Variants in C1QTNF2 observed in about 807,000 individuals in gnomAD.
C1QTNF2 encodes the protein C1q and TNF related 2.
Under a neutral mutation model 17.4 loss-of-function variants are expected in C1QTNF2, and 15 were observed. The observed-to-expected ratio is 0.86, with a 90% CI of 0.58 to 1.33. The LOEUF is 1.33. C1QTNF2 is among the 40% of genes most tolerant of loss of function. C1QTNF2 has a pLI of 0.00. For synonymous variants in C1QTNF2, 154 were observed against 163.3 expected, an observed-to-expected ratio of 0.94 and a Z score of 0.44; for missense variants, 381 against 392.3, an observed-to-expected ratio of 0.97 and a Z score of 0.24.
At chr5:160,359,023 G>T (rs563670446) in intron 1 of C1QTNF2, among the ~76,000 whole-genome samples, 1 of 152,040 alleles carries the variant, frequency 6.6e-6, no homozygotes, top group Non-Finnish European at 1.5e-5. Context: ...CGATCTACCC[G>T]TTTCAGCCTC....
At chr5:160,354,593 A>ATATATATATAT (rs1763992409) in intron 2 of C1QTNF2, among the ~76,000 whole-genome samples, 175 bp downstream of exon 2, 5 of 30,554 alleles carry the variant, frequency 1.6e-4, no homozygotes, top group East Asian at 5.2e-4. Flanking sequence ...GGAAAAAAAA[A>ATATATATATAT]AAAAGTATAT....
Position 160,349,279 on chromosome 5 carries a change from C to T in C1QTNF2, c.747G>A (p.Leu249=), listed in dbSNP as rs1428820466. 6.2e-7 allele frequency: 1 copy of T among 1,614,130 alleles called. No homozygotes were observed. The highest frequency in any genetic ancestry group is 1.1e-5 in the South Asian group (1 of 91,082). The change falls in exon 3 of 3, where the codon CTG becomes CTA. Residue 249 remains leucine, a synonymous_variant. Transcript: ENST00000652664. The surrounding 1 kb of genome is among the most constrained non-coding windows in gnomAD (Gnocchi z 4.3). ...CGTTCTGCTCTGAGTAGAAGATCTG[C>T]AGCCAAACTTCGTCACCCTGCTTGA... The part of the protein sequence containing the change: ...LALKQGDEVW[L]QIFYSEQNGL...
At chr5:160,360,165 G>A (rs1764127496) in intron 1 of C1QTNF2, among the ~76,000 whole-genome samples, 1 of 152,088 alleles carries the variant, frequency 6.6e-6, no homozygotes, top group African/African-American at 2.4e-5. Flanking sequence ...TTCTTTTCCA[G>A]CACTTGAAAC....
chr5:160,368,510 C>T (rs1225128317), intron 1 of C1QTNF2, among the ~76,000 whole-genome samples: 12 of 130,982 alleles, frequency 9.2e-5, no homozygotes, highest in Middle Eastern at 4.5e-3. Context: ...CCAGCCTGGG[C>T]AACAGAGCGA....
At position 160,349,336 on chromosome 5, in the gene C1QTNF2, G is replaced by A. The variant is rs141043359; in HGVS notation, c.690C>T (p.His230=). 7.9e-5 allele frequency: 127 copies of A among 1,614,030 alleles called. No individual in the cohort carries two copies. The African/African-American group carries it at 1.2e-3, about 16-fold the overall frequency. Residue 230 remains histidine, a synonymous_variant, in exon 3 of 3, where the codon CAC becomes CAT. Coordinates refer to ENST00000652664, the MANE Select transcript of C1QTNF2 (RefSeq NM_031908.6). The surrounding 1 kb of genome is among the most constrained non-coding windows in gnomAD (Gnocchi z 4.3). ...IRTFDANTGN[H]DVASGSTILA... ...GGATGGTGGAGCCTGAGGCCACATC[G>A]TGGTTGCCGGTGTTGGCATCAAAGG...
chr5:160,360,490 C>T (rs887130153), intron 1 of C1QTNF2, among the ~76,000 whole-genome samples: 2 of 152,170 alleles, frequency 1.3e-5, no homozygotes, highest in Admixed American at 6.5e-5. Flanking sequence ...TTGCTTTTGA[C>T]CCCTTACAGT....
rs765898216 is a variant in C1QTNF2, at chr5:160,370,511, C to A, written c.-10+1G>T. 2 of 1,479,510 alleles carry A rather than the reference C, an allele frequency of 1.4e-6. No individual in the cohort carries two copies. Among genetic ancestry groups the A allele is most frequent in the East Asian group, 2.8e-5 (1 of 35,796 alleles). 91.6% of individuals were successfully genotyped at this position (1,479,510 alleles called of 1,614,324 possible). ...GCCCGACCGCGGTGCGGGACACTCA[C>A]CCTCGCGGCTGCCCGCCACGTCCAG... On this transcript the variant is annotated splice_donor_variant, in intron 1 of 2. Coordinates refer to ENST00000652664, the MANE Select transcript of C1QTNF2 (RefSeq NM_031908.6). LOFTEE classifies it low-confidence loss of function (5UTR_SPLICE).
chr5:160,363,558 A>T (rs1764193010), intron 1 of C1QTNF2, among the ~76,000 whole-genome samples: 2 of 152,254 alleles, frequency 1.3e-5, no homozygotes, highest in African/African-American at 4.8e-5. Context: ...AGAATTCCTG[A>T]AAGCACACAG....
At position 160,358,560 on chromosome 5, in the gene C1QTNF2, C is replaced by T. The variant is rs549055318; in HGVS notation, c.-9-3540G>A. Reference sequence around the variant, plus strand: ...CTTACTACAGCCTTGAACTCTTGGGCTCAAGTGATCCTCCTGCCTCAGCCT... The same window carrying T: ...CTTACTACAGCCTTGAACTCTTGGGTTCAAGTGATCCTCCTGCCTCAGCCT... On this transcript the variant is annotated intron_variant, in intron 1 of 2. Coordinates refer to ENST00000652664, the MANE Select transcript of C1QTNF2 (RefSeq NM_031908.6). Among the ~76,000 whole-genome samples the T allele has an allele frequency of 8.6e-5, 13 of 151,924 alleles. No individual in the cohort carries two copies. In the South Asian group the frequency reaches 2.5e-3, roughly 29 times the overall value.
chr5:160,356,612 T>C (rs1030866268), intron 1 of C1QTNF2, among the ~76,000 whole-genome samples: 5 of 152,228 alleles, frequency 3.3e-5, no homozygotes, highest in African/African-American at 7.2e-5. Flanking sequence ...TCTTTCCAGA[T>C]ACAAAGCACT....
At chr5:160,354,354 G>C (rs185007819) in intron 2 of C1QTNF2, among the ~76,000 whole-genome samples, 113 of 151,940 alleles carry the variant, frequency 7.4e-4, no homozygotes, top group African/African-American at 2.6e-3. Flanking sequence ...GAGGTAGATG[G>C]ATCACTTGAG....
Position 160,348,432 on chromosome 5 carries a change from T to G in C1QTNF2, c.*736A>C, listed in dbSNP as rs1203779349. 2 of 152,314 alleles carry G rather than the reference T, an allele frequency of 1.3e-5. No homozygotes were observed. The highest frequency in any genetic ancestry group is 2.9e-5 in the Non-Finnish European group (2 of 68,096). The allele number at this position is 152,314 out of a possible 1,614,324, so 9.4% of individuals were successfully genotyped here. ...ATGCCTCCCTTCTCAGTTCTTACCT[T>G]GGCCCCTCCCTCTTTCCTGTCAAGG... is the stretch of plus-strand genomic sequence containing the variant. On this transcript the variant is annotated 3_prime_UTR_variant, in exon 3 of 3. Coordinates refer to ENST00000652664, the MANE Select transcript of C1QTNF2 (RefSeq NM_031908.6).
intron 1 of C1QTNF2, among the ~76,000 whole-genome samples, chr5:160,362,478 A>T (rs1241148165): frequency 1.3e-5 from 2 of 152,228 alleles, no homozygotes; most frequent in Non-Finnish European, 2.9e-5. Context: ...GAATGCCCAC[A>T]GCCCCCTCTC....
chr5:160,358,168 G>C (rs954400127), intron 1 of C1QTNF2, among the ~76,000 whole-genome samples: 1 of 152,168 alleles, frequency 6.6e-6, no homozygotes, highest in South Asian at 2.1e-4. Context: ...TGAAGCTCCT[G>C]GAGTCCCAGA....
Position 160,365,315 on chromosome 5 carries a change from G to A in C1QTNF2, c.-10+5197C>T, listed in dbSNP as rs189468595. ...CAGAATCTGAACTTTGAAGGGGACA[G>A]GGAGAAAAGGCTAAGTTTTCCTTGA... On this transcript the variant is annotated intron_variant, in intron 1 of 2. Transcript: ENST00000652664. Among the ~76,000 whole-genome samples, 34 of 152,338 alleles carry A rather than the reference G, an allele frequency of 2.2e-4. No homozygotes were observed. The East Asian group carries it at 6.0e-3, about 27-fold the overall frequency.
intron 1 of C1QTNF2, among the ~76,000 whole-genome samples, chr5:160,370,204 T>C (rs1009707717): frequency 6.6e-6 from 1 of 152,222 alleles, no homozygotes; most frequent in African/African-American, 2.4e-5. Flanking sequence ...AGTAAAGTGC[T>C]AGCAGGACTT....
intron 2 of C1QTNF2, 23 bp downstream of exon 2, chr5:160,354,745 A>C (rs780827122): frequency 1.2e-6 from 2 of 1,613,264 alleles, no homozygotes; most frequent in East Asian, 2.2e-5. Flanking sequence ...TGGGAACGAG[A>C]GTGGCACGTA....
At chr5:160,358,787 G>A (rs556528177) in intron 1 of C1QTNF2, among the ~76,000 whole-genome samples, 1 of 151,800 alleles carries the variant, frequency 6.6e-6, no homozygotes, top group African/African-American at 2.4e-5. Context: ...GTGAAGCCCT[G>A]TATCTACATT....
At position 160,349,199 on chromosome 5, in the gene C1QTNF2, T is replaced by C. The variant is rs1467716305; in HGVS notation, c.827A>G (p.Tyr276Cys). ...TDSLFTGFLI[Y>C]ADQDDPNEV Reference sequence around the variant, plus strand: ...CTCGTTGGGGTCATCCTGGTCGGCATAGATTAGGAAGCCCGTAAAGAGGCT... The same window carrying C: ...CTCGTTGGGGTCATCCTGGTCGGCACAGATTAGGAAGCCCGTAAAGAGGCT... The change falls in exon 3 of 3, where the codon TAT becomes TGT. Residue 276 changes from tyrosine to cysteine, a missense_variant. Physicochemically the swap from Tyr to Cys is radical, Grantham distance 194. Coordinates refer to ENST00000652664, the MANE Select transcript of C1QTNF2 (RefSeq NM_031908.6). This position sits in a 1 kb window ranked among gnomAD's most constrained non-coding sequence, Gnocchi z 4.3. 4 of 1,613,846 alleles carry C rather than the reference T, an allele frequency of 2.5e-6. No homozygotes were observed. Among genetic ancestry groups the C allele is most frequent in the South Asian group, 2.2e-5 (2 of 91,056 alleles).
Sources: gnomAD v4.1 joint callset for allele counts (sites outside exome capture counted in the v4.1 genomes callset) on GRCh38, gnomAD v4.1.1 for gene constraint, Gnocchi (gnomAD v3.1) non-coding constraint, MANE v1.5 for transcripts, NCBI Gene and HGNC (gene_info 2026-07-23, HGNC 2026-07-21) for gene names.